The following GALNT14 variants were observed in gnomAD, a reference collection of about 807,000 sequenced individuals.
The protein encoded by GALNT14 is UDP-GalNAc:polypeptide N-acetylgalactosaminyltransferase 14.
A neutral mutation model predicts 77.5 loss-of-function variants in GALNT14; 60 were observed. The ratio of observed to expected loss-of-function variants is 0.77; its 90% CI spans 0.63 to 0.96. The LOEUF (loss-of-function observed/expected upper bound fraction) is 0.96. Among genes scored for constraint, GALNT14 ranks in the 40% least tolerant of loss-of-function variants. The pLI, the probability that GALNT14 is intolerant of heterozygous loss-of-function variation, is 0.00. For missense variants in GALNT14, 710 were observed against 731.0 expected, an observed-to-expected ratio of 0.97 and a Z score of 0.33; for synonymous variants, 280 against 281.7, an observed-to-expected ratio of 0.99 and a Z score of 0.06.
At chr2:30,925,311 T>C (rs368039690) in intron 11 of GALNT14, among the ~76,000 whole-genome samples, 4 of 152,196 alleles carry the variant, frequency 2.6e-5, no homozygotes, top group African/African-American at 9.6e-5. Flanking sequence ...GCACCTACTA[T>C]GTGTCAGGCA....
chr2:31,022,722 A>G (rs1351797156), intron 1 of GALNT14, among the ~76,000 whole-genome samples: 1 of 152,232 alleles, frequency 6.6e-6, no homozygotes, highest in Non-Finnish European at 1.5e-5. Flanking sequence ...AGCAGAAAAG[A>G]AATTATAGTA....
At chr2:30,894,414 T>C in the GALNT14 span, among the ~76,000 whole-genome samples, 3 of 152,236 alleles carry the variant, frequency 2.0e-5, no homozygotes, top group Non-Finnish European at 4.4e-5. Context: ...AGATCCTCTG[T>C]TCAAAGTTCT....
rs547323997 is a variant in GALNT14 at position 31,062,368 on chromosome 2, A to C, written c.130-69361T>G. 5.3e-5 allele frequency among the ~76,000 whole-genome samples: 8 copies of C among 152,310 alleles called. No homozygotes were observed. The South Asian group carries it at 1.5e-3, about 28-fold the overall frequency. ...AGAATGATGGTTTCCAGCTTCATCA[A>C]TGTTCTTACAAAGAACATGAGCTTA... is the stretch of plus-strand genomic sequence containing the variant. On this transcript the variant is annotated intron_variant, in intron 1 of 14. Coordinates refer to ENST00000349752, the MANE Select transcript of GALNT14 (RefSeq NM_024572.4).
chr2:30,953,172 G>T (rs1042043823), intron 6 of GALNT14, among the ~76,000 whole-genome samples: 1 of 152,168 alleles, frequency 6.6e-6, no homozygotes, highest in African/African-American at 2.4e-5. Context: ...CTAGGGTAGT[G>T]TCAACAACTC....
intron 11 of GALNT14, among the ~76,000 whole-genome samples, chr2:30,926,986 T>C (rs1665425464): frequency 6.6e-6 from 1 of 152,172 alleles, no homozygotes; most frequent in Admixed American, 6.5e-5. Context: ...GTAGTTTGTT[T>C]TCTTTCCTCC....
chr2:30,955,281 T>C (rs1667290523), intron 6 of GALNT14, among the ~76,000 whole-genome samples: 2 of 152,144 alleles, frequency 1.3e-5, no homozygotes, highest in South Asian at 2.1e-4. Context: ...AGGGTTCCCA[T>C]TCTGGAACCT....
At chr2:30,916,092 C>G (rs1389533466) in intron 13 of GALNT14, among the ~76,000 whole-genome samples, 2 of 152,162 alleles carry the variant, frequency 1.3e-5, no homozygotes, top group Non-Finnish European at 2.9e-5. Context: ...AGTAATCACC[C>G]CAGCACCTGG....
At chr2:30,912,365 G>T in intron 13 of GALNT14, 23 bp from the exon 14 acceptor site, 3 of 1,612,500 alleles carry the variant, frequency 1.9e-6, no homozygotes, top group Non-Finnish European at 2.5e-6. Flanking sequence ...AGACCAGGAA[G>T]GTTTGTTCAG....
intron 3 of GALNT14, among the ~76,000 whole-genome samples, chr2:30,964,991 T>C (rs1213846908): frequency 6.6e-6 from 1 of 152,168 alleles, no homozygotes; most frequent in Non-Finnish European, 1.5e-5. Flanking sequence ...TTTTTTTCTC[T>C]GTGGCATCGG....
At chr2:31,021,307 T>A (rs1421477514) in intron 1 of GALNT14, among the ~76,000 whole-genome samples, 1 of 152,156 alleles carries the variant, frequency 6.6e-6, no homozygotes, top group East Asian at 1.9e-4. Context: ...TTCTTTTTTT[T>A]ATTTTTATTT....
chr2:31,041,934 T>C (rs1673118011), intron 1 of GALNT14, among the ~76,000 whole-genome samples: 1 of 152,108 alleles, frequency 6.6e-6, no homozygotes, highest in South Asian at 2.1e-4. Context: ...AAACTTGATG[T>C]TTCAGGCCTG....
intron 1 of GALNT14, among the ~76,000 whole-genome samples, chr2:31,099,115 A>G (rs145654157): frequency 3.9e-4 from 59 of 152,252 alleles, no homozygotes; most frequent in Non-Finnish European, 6.5e-4. Flanking sequence ...TAGAATACAC[A>G]CTATTGTGCA....
rs182620282 is a variant in GALNT14, at chr2:30,952,997, C to T, written c.654+2621G>A. Among the ~76,000 whole-genome samples, 342 of 152,274 alleles carry T rather than the reference C, an allele frequency of 2.2e-3. 2 individuals are homozygous for T. Among genetic ancestry groups the T allele is most frequent in the East Asian group, 0.022 (113 of 5,178 alleles). On this transcript the variant is annotated intron_variant, in intron 6 of 14. Coordinates refer to ENST00000349752, the MANE Select transcript of GALNT14 (RefSeq NM_024572.4). Reference sequence around the variant, plus strand: ...ACCTTGTCTCTTCTGTATAAAATCCCCTGTAAACAGAGACACTATCTCCAA... The same window carrying T: ...ACCTTGTCTCTTCTGTATAAAATCCTCTGTAAACAGAGACACTATCTCCAA...
At chr2:31,015,762 T>C (rs1671312399) in intron 1 of GALNT14, among the ~76,000 whole-genome samples, 2 of 152,242 alleles carry the variant, frequency 1.3e-5, no homozygotes, top group African/African-American at 4.8e-5. Context: ...ACAAACCCAA[T>C]GGAGAGACAT....
rs1290620328 is a variant in GALNT14 at position 30,945,763 on chromosome 2, G to A, written c.742+20C>T. The A allele has an allele frequency of 1.3e-6, 2 of 1,590,000 alleles. No individual in the cohort carries two copies. Among genetic ancestry groups the A allele is most frequent in the Non-Finnish European group, 1.7e-6 (2 of 1,158,104 alleles). On this transcript the variant is annotated intron_variant, in intron 7 of 14. Coordinates refer to ENST00000349752, the MANE Select transcript of GALNT14 (RefSeq NM_024572.4). Reference sequence around the variant, plus strand: ...GGAAAAGAAAATCCTTACTGGGGAGGAGGTGTTAGCCCAACTCACCCCCTC... The same window carrying A: ...GGAAAAGAAAATCCTTACTGGGGAGAAGGTGTTAGCCCAACTCACCCCCTC...
intron 1 of GALNT14, among the ~76,000 whole-genome samples, chr2:30,995,354 G>A (rs754868072): frequency 4.6e-5 from 7 of 152,052 alleles, no homozygotes; most frequent in African/African-American, 9.7e-5. Context: ...TACAGTATTC[G>A]GTGTAGGAAC....
chr2:30,926,635 G>A (rs1665400701), intron 11 of GALNT14, among the ~76,000 whole-genome samples: 1 of 152,072 alleles, frequency 6.6e-6, no homozygotes, highest in Non-Finnish European at 1.5e-5. Context: ...CATGCAAGGA[G>A]TAGGAAGAGG....
downstream of GALNT14, among the ~76,000 whole-genome samples, chr2:30,908,382 A>G (rs1238113282): frequency 4.0e-5 from 6 of 149,876 alleles, no homozygotes; most frequent in East Asian, 4.0e-4. Context: ...AAATCAATGT[A>G]CAAAAATCAC....
chr2:31,126,353 T>C (rs1251113584), intron 1 of GALNT14, among the ~76,000 whole-genome samples: 1 of 152,030 alleles, frequency 6.6e-6, no homozygotes, highest in African/African-American at 2.4e-5. Flanking sequence ...CATATGGAAG[T>C]TGAAAGAGGG....
Sources: gnomAD v4.1 joint callset for allele counts (sites outside exome capture counted in the v4.1 genomes callset) on GRCh38, gnomAD v4.1.1 for gene constraint, MANE v1.5 for transcripts, NCBI Gene and HGNC (gene_info 2026-07-23, HGNC 2026-07-21) for gene names.